NKAIN3: variants seen among roughly 807,000 people sequenced by gnomAD.
NKAIN3 encodes sodium/potassium-transporting ATPase subunit beta-1-interacting protein 3.
A neutral mutation model predicts 30.2 loss-of-function variants in NKAIN3; 25 were observed. The observed-to-expected ratio is 0.83, with a 90% CI of 0.60 to 1.16. The LOEUF is 1.16. NKAIN3 is among the 50% of genes most tolerant of loss of function. The probability of loss-of-function intolerance (pLI) is 0.00; values close to 1 mark genes in which losing one functional copy is unlikely to be tolerated. For synonymous variants in NKAIN3, 91 were observed against 89.6 expected (o/e 1.02, Z -0.09); for missense variants, 225 against 254.1 (o/e 0.89, Z 0.78).
intron 1 of NKAIN3, among the ~76,000 whole-genome samples, chr8:62,560,531 C>CTTTTTTTTTTTTTTTTTTTTTTTTT (rs869256384): frequency 2.2e-5 from 1 of 45,362 alleles, no homozygotes; most frequent in Non-Finnish European, 3.7e-5. Context: ...TTTTTCTTTT[C>CTTTTTTTTTTTTTTTTTTTTTTTTT]TTTTTTTTTT....
intron 1 of NKAIN3, among the ~76,000 whole-genome samples, chr8:62,424,787 C>T (rs1005913422): frequency 6.6e-6 from 1 of 151,878 alleles, no homozygotes; most frequent in African/African-American, 2.4e-5. Flanking sequence ...AGCAATACCA[C>T]TTCTGTGTAC....
At chr8:62,395,612 T>G (rs1277809514) in intron 1 of NKAIN3, among the ~76,000 whole-genome samples, 1 of 152,204 alleles carries the variant, frequency 6.6e-6, no homozygotes. Context: ...AACGTTGTTT[T>G]CAATTTTAAT....
chr8:62,256,763 C>T (rs916442819), intron 1 of NKAIN3, among the ~76,000 whole-genome samples: 1 of 152,152 alleles, frequency 6.6e-6, no homozygotes, highest in African/African-American at 2.4e-5. Flanking sequence ...GACATTGCAT[C>T]TATTTCTTTA....
At chr8:62,668,752 A>G (rs1311099272) in intron 3 of NKAIN3, among the ~76,000 whole-genome samples, 1 of 152,342 alleles carries the variant, frequency 6.6e-6, no homozygotes, top group African/African-American at 2.4e-5. Flanking sequence ...TTAATTATAT[A>G]TGTATTCCTT....
chr8:62,622,440 C>G (rs1204666105), intron 3 of NKAIN3, among the ~76,000 whole-genome samples: 1 of 151,848 alleles, frequency 6.6e-6, no homozygotes, highest in Non-Finnish European at 1.5e-5. Context: ...TACATTCTTC[C>G]CAGCATTGGT....
chr8:62,757,604 T>C (rs1202626057), intron 4 of NKAIN3, among the ~76,000 whole-genome samples: 2 of 152,138 alleles, frequency 1.3e-5, no homozygotes, highest in Non-Finnish European at 2.9e-5. Context: ...TGAGAACTCA[T>C]AGAAAGAAGT....
chr8:62,763,656 G>A (rs1468208491), intron 4 of NKAIN3, among the ~76,000 whole-genome samples: 3 of 152,152 alleles, frequency 2.0e-5, no homozygotes, highest in Non-Finnish European at 4.4e-5. Context: ...CAAATAAGCA[G>A]GGAACTGTGT....
intron 4 of NKAIN3, among the ~76,000 whole-genome samples, chr8:62,790,859 G>T (rs1382897052): frequency 3.3e-5 from 5 of 151,978 alleles, no homozygotes; most frequent in South Asian, 4.1e-4. Flanking sequence ...CTTAGCCCTG[G>T]TCAGTAGAGC....
intron 1 of NKAIN3, among the ~76,000 whole-genome samples, chr8:62,256,331 AT>A (rs1390904201): frequency 1.3e-5 from 2 of 152,144 alleles, no homozygotes; most frequent in Non-Finnish European, 2.9e-5. Context: ...AGGTGGGAGG[AT>A]TGCTTGAACT....
chr8:62,947,774 G>A (rs895306746), intron 5 of NKAIN3, among the ~76,000 whole-genome samples: 2 of 152,182 alleles, frequency 1.3e-5, no homozygotes, highest in African/African-American at 4.8e-5. Flanking sequence ...GAGCAACAAG[G>A]TCTCCAGCCC....
At chr8:62,450,249 GA>G (rs1407772213) in intron 1 of NKAIN3, among the ~76,000 whole-genome samples, 2 of 152,134 alleles carry the variant, frequency 1.3e-5, no homozygotes, top group East Asian at 3.9e-4. Context: ...TTACATTGTT[GA>G]AAAAATGTTT....
intron 3 of NKAIN3, among the ~76,000 whole-genome samples, chr8:62,593,039 A>G (rs1810707015): frequency 6.6e-6 from 1 of 152,142 alleles, no homozygotes; most frequent in South Asian, 2.1e-4. Flanking sequence ...TTAGAGAAAA[A>G]GTAGACACAA....
intron 3 of NKAIN3, among the ~76,000 whole-genome samples, chr8:62,730,445 T>C (rs1369306956): frequency 6.6e-6 from 1 of 152,094 alleles, no homozygotes. Flanking sequence ...AGCTCATTAA[T>C]TTCAGCCTTT....
intron 1 of NKAIN3, among the ~76,000 whole-genome samples, chr8:62,504,714 C>G (rs1176679674): frequency 6.6e-6 from 1 of 152,152 alleles, no homozygotes; most frequent in Non-Finnish European, 1.5e-5. Flanking sequence ...GGTTATTCTT[C>G]TTAAAACCCT....
chr8:62,753,443 C>A (rs899242085), intron 4 of NKAIN3, among the ~76,000 whole-genome samples: 3 of 151,882 alleles, frequency 2.0e-5, no homozygotes, highest in Non-Finnish European at 4.4e-5. Context: ...AAGAAAGGGT[C>A]ATTATTCATA....
intron 3 of NKAIN3, among the ~76,000 whole-genome samples, chr8:62,613,447 CCTTT>C (rs1329304435): frequency 6.6e-6 from 1 of 151,990 alleles, no homozygotes; most frequent in Admixed American, 6.6e-5. Context: ...CTTTTATAAT[CCTTT>C]CTTTATCCTT....
chr8:62,736,048 A>G (rs1185343024), intron 3 of NKAIN3, among the ~76,000 whole-genome samples: 1 of 152,174 alleles, frequency 6.6e-6, no homozygotes, highest in Non-Finnish European at 1.5e-5. Context: ...GGACGTAGCA[A>G]GGGAGTGAAG....
chr8:62,667,871 C>T (rs1322628766), intron 3 of NKAIN3, among the ~76,000 whole-genome samples: 1 of 152,182 alleles, frequency 6.6e-6, no homozygotes, highest in African/African-American at 2.4e-5. Context: ...CCCACACTTA[C>T]TTTCAAGGTG....
At chr8:62,712,128 T>C (rs1814742237) in intron 3 of NKAIN3, among the ~76,000 whole-genome samples, 1 of 152,280 alleles carries the variant, frequency 6.6e-6, no homozygotes, top group African/African-American at 2.4e-5. Flanking sequence ...CCAGTGCTTG[T>C]TCTGGTAGAG....
Sources: gnomAD v4.1 joint callset for allele counts (sites outside exome capture counted in the v4.1 genomes callset) on GRCh38, gnomAD v4.1.1 for gene constraint, MANE v1.5 for transcripts, NCBI Gene and HGNC (gene_info 2026-07-23, HGNC 2026-07-21) for gene names.